ATP2B2: variants seen among roughly 807,000 people sequenced by gnomAD.
The protein encoded by ATP2B2 is plasma membrane calcium-transporting ATPase 2.
ATP2B2 carries 15 observed loss-of-function variants against 120.0 expected under a neutral mutation model. The ratio of observed to expected loss-of-function variants is 0.12; its 90% CI spans 0.08 to 0.19. ATP2B2 has a LOEUF of 0.19. Ranked by LOEUF, ATP2B2 falls within the 10% of genes least tolerant of loss-of-function variation. The pLI is 1.00. For missense variants in ATP2B2, 1,045 were observed against 1,719.8 expected (o/e 0.61, Z 6.94); for synonymous variants, 694 against 700.3 (o/e 0.99, Z 0.14).
intron 3 of ATP2B2, among the ~76,000 whole-genome samples, chr3:10,516,365 C>T (rs533594078): frequency 7.2e-5 from 11 of 152,328 alleles, no homozygotes; most frequent in Non-Finnish European, 1.2e-4. Flanking sequence ...AGGGCAGTGC[C>T]GGACGAGGTG....
At chr3:10,655,634 G>A (rs1026944969) in intron 1 of ATP2B2, among the ~76,000 whole-genome samples, 4 of 152,144 alleles carry the variant, frequency 2.6e-5, no homozygotes, top group African/African-American at 7.2e-5. Flanking sequence ...CACATCAGTC[G>A]AAGAAGAACA....
chr3:10,482,466 C>T (rs1035617105), intron 1 of ATP2B2, among the ~76,000 whole-genome samples: 2 of 152,240 alleles, frequency 1.3e-5, no homozygotes, highest in Non-Finnish European at 2.9e-5. Flanking sequence ...CATGCCTCAC[C>T]TGGGTGTGTG....
chr3:10,358,873 C>G lies in ATP2B2; in HGVS notation c.1954G>C (p.Asp652His). 1.2e-6 allele frequency: 2 copies of G among 1,614,072 alleles called. No homozygotes were observed. The highest frequency in any genetic ancestry group is 1.7e-6 in the Non-Finnish European group (2 of 1,180,026). Residue 652 changes from aspartate to histidine, a missense_variant, in exon 14 of 23, where the codon GAC becomes CAC. By Grantham distance (81) the Asp-to-His change is moderately conservative. Transcript: ENST00000360273. ...AGEPRVFRPR[D>H]RDEMVKKVIE... ...ACCTTCTTTACCATCTCGTCCCGGT[C>G]GCGGGGCCGGAAGACACGAGGCTCT...
At chr3:10,622,078 A>G (rs1575567246) in intron 1 of ATP2B2, among the ~76,000 whole-genome samples, 1 of 152,034 alleles carries the variant, frequency 6.6e-6, no homozygotes, top group Non-Finnish European at 1.5e-5. Context: ...AAAGCTGAAA[A>G]CTGGCCACCT....
chr3:10,507,613 T>C (rs919961287), upstream of ATP2B2, among the ~76,000 whole-genome samples: 1 of 152,182 alleles, frequency 6.6e-6, no homozygotes, highest in Non-Finnish European at 1.5e-5. Context: ...TACTTCAACA[T>C]CTTTGGCGGT....
chr3:10,560,920 C>G (rs542543980), intron 2 of ATP2B2, among the ~76,000 whole-genome samples: 1 of 152,288 alleles, frequency 6.6e-6, no homozygotes, highest in African/African-American at 2.4e-5. Flanking sequence ...GCACAAGACT[C>G]GTTCCCACCC....
At position 10,338,226 on chromosome 3, in the gene ATP2B2, G is replaced by C; in HGVS notation, c.3370C>G (p.Arg1124Gly). The change falls in exon 22 of 23, where the codon CGG (arginine) becomes GGG (glycine). Residue 1124 changes from arginine to glycine, a missense_variant. This residue lies in a region of ATP2B2 where 211 missense variants were observed against 385.1 expected (regional missense o/e 0.55). Coordinates refer to ENST00000360273, the MANE Select transcript of ATP2B2 (RefSeq NM_001001331.4). ...EEIDHAERELRRGQILWFRGL... is the reference protein window; with the variant it reads ...EEIDHAERELGRGQILWFRGL... The stretch of plus-strand genomic sequence containing the variant: ...CGGAACCACAGGATCTGGCCCCGCC[G>C]CAGCTCCCGCTCCGCGTGGTCGATC... The C allele has an allele frequency of 6.2e-7, 1 of 1,614,164 alleles. No individual in the cohort carries two copies. Among genetic ancestry groups the C allele is most frequent in the Non-Finnish European group, 8.5e-7 (1 of 1,180,040 alleles).
chr3:10,516,524 G>A (rs563183859), intron 3 of ATP2B2, among the ~76,000 whole-genome samples: 37 of 152,190 alleles, frequency 2.4e-4, no homozygotes, highest in East Asian at 7.7e-4. Flanking sequence ...CCATCCTGTC[G>A]TTCCAGTTCT....
At chr3:10,434,171 A>G (rs1272726460) in intron 2 of ATP2B2, among the ~76,000 whole-genome samples, 4 of 152,284 alleles carry the variant, frequency 2.6e-5, no homozygotes, top group Admixed American at 2.6e-4. Flanking sequence ...CTCTCAGGGC[A>G]CAACTTAAAC....
At chr3:10,579,736 G>A (rs923934324) in intron 2 of ATP2B2, among the ~76,000 whole-genome samples, 1 of 152,168 alleles carries the variant, frequency 6.6e-6, no homozygotes, top group Non-Finnish European at 1.5e-5. Context: ...CTTGAACCTG[G>A]CAGGCAGAGG....
intron 14 of ATP2B2, among the ~76,000 whole-genome samples, chr3:10,358,045 G>C (rs558652569): frequency 6.6e-6 from 1 of 152,352 alleles, no homozygotes; most frequent in African/African-American, 2.4e-5. Flanking sequence ...CGCCTCCCTT[G>C]ATCCTTGTGA....
At chr3:10,586,601 G>A (rs952499145) in intron 2 of ATP2B2, among the ~76,000 whole-genome samples, 1 of 152,182 alleles carries the variant, frequency 6.6e-6, no homozygotes, top group South Asian at 2.1e-4. Context: ...TTCCTCGAGA[G>A]AATCTTTGCT....
chr3:10,597,139 GTACACACAGGCACA>G (rs895149225), intron 2 of ATP2B2, among the ~76,000 whole-genome samples: 3 of 141,934 alleles, frequency 2.1e-5, no homozygotes, highest in African/African-American at 8.0e-5. Flanking sequence ...AGGCAAACAG[GTACACACAGGCACA>G]TACACACAGG....
At position 10,329,765 on chromosome 3, in the gene ATP2B2, A is replaced by T. The variant is rs1389170909; in HGVS notation, c.3421-640T>A. 6.6e-6 allele frequency among the ~76,000 whole-genome samples: 1 copy of T among 152,206 alleles called. No homozygotes were observed. The highest frequency in any genetic ancestry group is 1.5e-5 in the Non-Finnish European group (1 of 68,034). On this transcript the variant is annotated intron_variant, in intron 22 of 22. Transcript: ENST00000360273. This position sits in a 1 kb window ranked among gnomAD's most constrained non-coding sequence, Gnocchi z 5.9. Reference sequence around the variant, plus strand: ...CAGGGCTTTCTGAGGTGCAGAGCAGAGGCAGCCAGAAAGCACATGGGAGCT... The same window carrying T: ...CAGGGCTTTCTGAGGTGCAGAGCAGTGGCAGCCAGAAAGCACATGGGAGCT...
intron 1 of ATP2B2, among the ~76,000 whole-genome samples, chr3:10,498,647 C>T (rs571695518): frequency 2.0e-5 from 3 of 152,330 alleles, no homozygotes; most frequent in African/African-American, 4.8e-5. Context: ...GTAGCCCAGC[C>T]GGCACAGGAA....
intron 2 of ATP2B2, among the ~76,000 whole-genome samples, chr3:10,578,703 T>C (rs2068313272): frequency 6.6e-6 from 1 of 151,824 alleles, no homozygotes; most frequent in African/African-American, 2.4e-5. Context: ...TGATGTAGTC[T>C]GACAATGAAA....
chr3:10,440,210 G>A (rs1302906838), intron 2 of ATP2B2, among the ~76,000 whole-genome samples: 1 of 151,466 alleles, frequency 6.6e-6, no homozygotes, highest in African/African-American at 2.4e-5. Context: ...TTGTCCTGTA[G>A]GGCACTTCTG....
intron 2 of ATP2B2, among the ~76,000 whole-genome samples, chr3:10,419,907 C>T (rs933049466): frequency 3.3e-5 from 5 of 152,184 alleles, no homozygotes; most frequent in Middle Eastern, 3.2e-3. Flanking sequence ...TTGATCCCTG[C>T]GACAATGGGG....
chr3:10,707,012 C>G (rs2071906074), intron 1 of ATP2B2, among the ~76,000 whole-genome samples: 1 of 152,268 alleles, frequency 6.6e-6, no homozygotes, highest in Admixed American at 6.5e-5. Flanking sequence ...GCTTCTACAG[C>G]TAGGACATCA....
Sources: allele counts gnomAD v4.1 joint callset (sites outside exome capture counted in the v4.1 genomes callset), GRCh38; gene constraint gnomAD v4.1.1; regional missense constraint gnomAD v4.1.1; non-coding constraint Gnocchi (gnomAD v3.1); transcripts MANE v1.5; gene names NCBI Gene and HGNC (gene_info 2026-07-23, HGNC 2026-07-21).